CAMKK1: variants seen among roughly 807,000 people sequenced by gnomAD.
The protein encoded by CAMKK1 is calcium/calmodulin dependent protein kinase kinase 1, also known as calcium/calmodulin-dependent protein kinase kinase 1.
Under a neutral mutation model 63.5 loss-of-function variants are expected in CAMKK1, and 20 were observed. The observed-to-expected ratio is 0.32, with a 90% confidence interval of 0.22 to 0.46. The LOEUF is 0.46. Among genes scored for constraint, CAMKK1 ranks in the 20% least tolerant of loss-of-function variants. The probability of loss-of-function intolerance (pLI) is 1.00; values close to 1 mark genes in which losing one functional copy is unlikely to be tolerated. For missense variants in CAMKK1, 588 were observed against 658.1 expected, an observed-to-expected ratio of 0.89 and a Z score of 1.17; for synonymous variants, 253 against 269.0, an observed-to-expected ratio of 0.94 and a Z score of 0.58.
rs548648072 is a variant in CAMKK1 at position 3,876,354 on chromosome 17, C to G, written c.865G>C (p.Val289Leu). ...CTGACGCCAAAGTCGGCGATCTTCACGTGCCCATCATCCCCCAGGAGCAGG... is the reference window on the plus strand; with the variant it reads ...CTGACGCCAAAGTCGGCGATCTTCAGGTGCCCATCATCCCCCAGGAGCAGG... ...SNLLLGDDGH[V>L]KIADFGVSNQ... The change falls in exon 10 of 16, where the codon GTG becomes CTG. Residue 289 changes from valine to leucine, a missense_variant. Coordinates refer to ENST00000348335, the MANE Select transcript of CAMKK1 (RefSeq NM_032294.3). 1.9e-6 allele frequency: 3 copies of G among 1,614,248 alleles called. No individual in the cohort carries two copies. In the African/African-American group the frequency reaches 4.0e-5, roughly 22 times the overall value.
intron 12 of CAMKK1, among the ~76,000 whole-genome samples, chr17:3,870,452 G>A (rs559901496): frequency 3.5e-4 from 53 of 151,670 alleles, no homozygotes; most frequent in South Asian, 3.1e-3. Flanking sequence ...TGCAAGCTCC[G>A]CCTCCCAGGT....
rs746322136 is a variant in CAMKK1 at position 3,862,176 on chromosome 17, T to G, written c.*35A>C. 5 of 1,546,754 alleles carry G rather than the reference T, an allele frequency of 3.2e-6. No individual in the cohort carries two copies. The East Asian group carries it at 7.2e-5, about 22-fold the overall frequency. ...TGGGCCTCTGGAGGCGCGGGATGAGTGTGCTGCCGGGTGGCCCTGGGTGCA... is the reference window on the plus strand; with the variant it reads ...TGGGCCTCTGGAGGCGCGGGATGAGGGTGCTGCCGGGTGGCCCTGGGTGCA... On this transcript the variant is annotated 3_prime_UTR_variant, in exon 16 of 16. Transcript: ENST00000348335. This position sits in a 1 kb window ranked among gnomAD's most constrained non-coding sequence, Gnocchi z 4.1.
Position 3,892,615 on chromosome 17 carries a change from C to G in CAMKK1, c.-44+324G>C, listed in dbSNP as rs892716967. Among the ~76,000 whole-genome samples, 2 of 152,202 alleles carry G rather than the reference C, an allele frequency of 1.3e-5. No homozygotes were observed. Among genetic ancestry groups the G allele is most frequent in the Non-Finnish European group, 2.9e-5 (2 of 68,030 alleles). On this transcript the variant is annotated intron_variant, in intron 1 of 15. Coordinates refer to ENST00000348335, the MANE Select transcript of CAMKK1 (RefSeq NM_032294.3). This position sits in a 1 kb window ranked among gnomAD's most constrained non-coding sequence, Gnocchi z 7.5. ...CCGGGCCCACTCCGCACAGACGTGG[C>G]CTCCACCAGGAGCCGGGCGCGGGGG...
chr17:3,867,970 A>C lies in CAMKK1; in HGVS notation c.1341+1517T>G, dbSNP rs1323191090. On this transcript the variant is annotated intron_variant, in intron 14 of 15. Coordinates refer to ENST00000348335, the MANE Select transcript of CAMKK1 (RefSeq NM_032294.3). Reference sequence around the variant, plus strand: ...AGGCACTGTCTAATGGATACGCAGGATCTGGGGGAGATGCAGGCACCGTCT... The same window carrying C: ...AGGCACTGTCTAATGGATACGCAGGCTCTGGGGGAGATGCAGGCACCGTCT... Among the ~76,000 whole-genome samples the C allele has an allele frequency of 3.5e-4, 46 of 130,434 alleles. 1 individual carries two copies. The highest frequency in any genetic ancestry group is 7.1e-4 in the African/African-American group (23 of 32,508). The allele number at this position is 130,434 out of a possible 152,430, so 85.6% of individuals were successfully genotyped here. A position where few individuals can be genotyped will look rare whatever the true frequency, so the allele number is the denominator to read the frequency against.
chr17:3,880,185 G>A, intron 9 of CAMKK1, 161 bp downstream of exon 9: 8 of 546,066 alleles, frequency 1.5e-5, no homozygotes, highest in South Asian at 4.0e-5. Flanking sequence ...CCCACAAAAA[G>A]GCCTTTGGCC....
chr17:3,871,580 T>G (rs191145860), intron 12 of CAMKK1, among the ~76,000 whole-genome samples: 3 of 149,098 alleles, frequency 2.0e-5, no homozygotes, highest in Non-Finnish European at 4.4e-5. Flanking sequence ...ATGGTCTCGA[T>G]CTCCTGACCT....
rs1014229537 is a variant in CAMKK1 at position 3,884,868 on chromosome 17, T to G, written c.361-441A>C. 6.6e-6 allele frequency among the ~76,000 whole-genome samples: 1 copy of G among 152,178 alleles called. No homozygotes were observed. Among genetic ancestry groups the G allele is most frequent in the East Asian group, 1.9e-4 (1 of 5,192 alleles). On this transcript the variant is annotated intron_variant, in intron 2 of 15. Coordinates refer to ENST00000348335, the MANE Select transcript of CAMKK1 (RefSeq NM_032294.3). This position sits in a 1 kb window ranked among gnomAD's most constrained non-coding sequence, Gnocchi z 4.5. ...CACAGAAAGCTCAGCCCCTGACATC[T>G]GTAGACTGCTTGGAACCTGAGTTCA...
At chr17:3,865,042 A>T in intron 15 of CAMKK1, 1 of 836,198 alleles carries the variant, frequency 1.2e-6, no homozygotes. Flanking sequence ...CCCTTCCCCA[A>T]AGCTTCCCTC....
At chr17:3,869,682 T>A in intron 13 of CAMKK1, 67 bp from the exon 14 acceptor site, 1 of 1,610,836 alleles carries the variant, frequency 6.2e-7, no homozygotes, top group Middle Eastern at 1.7e-4. Flanking sequence ...CCTGGAGGGG[T>A]CCAAAGTCCA....
At chr17:3,871,333 G>GGTTTTTTTTTTTGT (rs1567617833) in intron 12 of CAMKK1, among the ~76,000 whole-genome samples, 1 of 111,006 alleles carries the variant, frequency 9.0e-6, no homozygotes, top group African/African-American at 3.2e-5. Context: ...GTTGTTTTTT[G>GGTTTTTTTTTTTGT]TTTTTTTTTT....
At position 3,885,475 on chromosome 17, in the gene CAMKK1, C is replaced by T. The variant is rs769483078; in HGVS notation, c.213G>A (p.Arg71=). 2 of 1,613,366 alleles carry T rather than the reference C, an allele frequency of 1.2e-6. No individual in the cohort carries two copies. The highest frequency in any genetic ancestry group is 1.1e-5 in the South Asian group (1 of 91,048). ...CTGGCCGCTCCTGTAGGGAAAGCTT[C>T]CTGGCTGAGAGGCTAGGCCGGGCTG... is the stretch of plus-strand genomic sequence containing the variant. ...LLPARPSLSA[R]KLSLQERPAG... Residue 71 remains arginine, a synonymous_variant, in exon 2 of 16, where the codon AGG becomes AGA. Coordinates refer to ENST00000348335, the MANE Select transcript of CAMKK1 (RefSeq NM_032294.3).
At chr17:3,874,694 A>G (rs945665105) in intron 10 of CAMKK1, among the ~76,000 whole-genome samples, 2 of 151,534 alleles carry the variant, frequency 1.3e-5, no homozygotes, top group Non-Finnish European at 2.9e-5. Context: ...TTTTTAGTAG[A>G]GACGGGGTTT....
chr17:3,864,447 C>T (rs1006552533), intron 15 of CAMKK1, among the ~76,000 whole-genome samples: 4 of 151,896 alleles, frequency 2.6e-5, no homozygotes, highest in African/African-American at 4.8e-5. Context: ...GGGGTTTCAC[C>T]GTGTTAGCCA....
At chr17:3,870,140 G>A (rs535134471) in intron 12 of CAMKK1, among the ~76,000 whole-genome samples, 4 of 152,186 alleles carry the variant, frequency 2.6e-5, no homozygotes, top group African/African-American at 9.6e-5. Context: ...GAGGAGAGTC[G>A]CTTTATGGGA....
In CAMKK1 at chr17:3,871,347, G is replaced by GTTTTTTTTTTTTTTTTTTTTTTTT. The variant is rs869219931; in HGVS notation, c.1124+1183_1124+1206dup. The stretch of plus-strand genomic sequence containing the variant: ...TGTTGTTTTTTGTTTTTTTTTTTTT[G>GTTTTTTTTTTTTTTTTTTTTTTTT]TTTTTTTTTTTTTTTTTTTTTTTTT... On this transcript the variant is annotated intron_variant, in intron 12 of 15. Coordinates refer to ENST00000348335, the MANE Select transcript of CAMKK1 (RefSeq NM_032294.3). Among the ~76,000 whole-genome samples, 169 of 104,336 alleles carry GTTTTTTTTTTTTTTTTTTTTTTTT rather than the reference G, an allele frequency of 1.6e-3. 1 individual carries two copies. The highest frequency in any genetic ancestry group is 2.3e-3 in the Admixed American group (20 of 8,718). The allele number at this position is 104,336 out of a possible 152,430, so 68.4% of individuals were successfully genotyped here.
In CAMKK1 at chr17:3,860,520, G is replaced by C. The variant is rs2054306193; in HGVS notation, c.*1691C>G. ...CTTTCCAAGGGTGGGTCCGATCAAA[G>C]TGGTCCCCCCAGACCAGATGCTCAA... is the stretch of plus-strand genomic sequence containing the variant. On this transcript the variant is annotated 3_prime_UTR_variant, in exon 16 of 16. Transcript: ENST00000348335. 2 of 152,616 alleles carry C rather than the reference G, an allele frequency of 1.3e-5. No homozygotes were observed. Among genetic ancestry groups the C allele is most frequent in the South Asian group, 4.1e-4 (2 of 4,822 alleles). The allele number at this position is 152,616 out of a possible 1,614,324, so 9.5% of individuals were successfully genotyped here. A position where few individuals can be genotyped will look rare whatever the true frequency, so the allele number is the denominator to read the frequency against.
At chr17:3,891,117 G>A (rs201004058) in intron 1 of CAMKK1, among the ~76,000 whole-genome samples, 3 of 151,782 alleles carry the variant, frequency 2.0e-5, no homozygotes, top group Non-Finnish European at 4.4e-5. Context: ...GTTGGGGGGG[G>A]GGTCACAGGC....
intron 1 of CAMKK1, among the ~76,000 whole-genome samples, chr17:3,888,045 C>G (rs2055732557): frequency 6.6e-6 from 1 of 152,172 alleles, no homozygotes; most frequent in Non-Finnish European, 1.5e-5. Context: ...ACAGCCCTGT[C>G]CCCATTAGAC....
Position 3,860,704 on chromosome 17 carries a change from C to T in CAMKK1, c.*1507G>A, listed in dbSNP as rs1034459282. On this transcript the variant is annotated 3_prime_UTR_variant, in exon 16 of 16. Coordinates refer to ENST00000348335, the MANE Select transcript of CAMKK1 (RefSeq NM_032294.3). ...ACGTGGACCCACTGACAATGGGGCACATTCGGCTCCTAGCCTTAAATAGAC... is the reference window on the plus strand; with the variant it reads ...ACGTGGACCCACTGACAATGGGGCATATTCGGCTCCTAGCCTTAAATAGAC... 6.6e-6 allele frequency: 1 copy of T among 152,244 alleles called. No homozygotes were observed. The highest frequency in any genetic ancestry group is 1.5e-5 in the Non-Finnish European group (1 of 68,050). 9.4% of individuals were successfully genotyped at this position (152,244 alleles called of 1,614,324 possible).
Sources: gnomAD v4.1 joint callset for allele counts (sites outside exome capture counted in the v4.1 genomes callset) on GRCh38, gnomAD v4.1.1 for gene constraint, Gnocchi (gnomAD v3.1) non-coding constraint, MANE v1.5 for transcripts, NCBI Gene and HGNC (gene_info 2026-07-23, HGNC 2026-07-21) for gene names.